GOLGA1: variants seen among roughly 807,000 people sequenced by gnomAD.
GOLGA1 encodes golgin subfamily A member 1.
In GOLGA1, 63 loss-of-function variants were observed where a neutral mutation model predicts 119.7. That is an observed-to-expected ratio of 0.53 (90% CI 0.43 to 0.65). The LOEUF (loss-of-function observed/expected upper bound fraction) is 0.65. Among genes scored for constraint, GOLGA1 ranks in the 30% least tolerant of loss-of-function variants. GOLGA1 has a pLI of 0.00. For missense variants in GOLGA1, 798 were observed against 912.8 expected, an observed-to-expected ratio of 0.87 and a Z score of 1.62; for synonymous variants, 318 against 333.4, an observed-to-expected ratio of 0.95 and a Z score of 0.50.
In GOLGA1 at chr9:124,921,826, T is replaced by A; in HGVS notation, c.628A>T (p.Ser210Cys). 1 of 1,613,048 alleles carries A rather than the reference T, an allele frequency of 6.2e-7. No homozygotes were observed. The highest frequency in any genetic ancestry group is 8.5e-7 in the Non-Finnish European group (1 of 1,178,930). Residue 210 changes from serine to cysteine, a missense_variant, in exon 9 of 23, where the codon AGT becomes TGT. Coordinates refer to ENST00000373555, the MANE Select transcript of GOLGA1 (RefSeq NM_002077.4). ...TTCATCAACTCCTCCTGGGTACGAC[T>A]AAGTTCTCTGGTTCGTGCCTCCAAT... is the stretch of plus-strand genomic sequence containing the variant. ...QELEARTRELSRTQEELMNSN... is the reference protein window; with the variant it reads ...QELEARTRELCRTQEELMNSN...
chr9:124,909,995 G>A (rs1830310593), intron 11 of GOLGA1, among the ~76,000 whole-genome samples: 1 of 152,018 alleles, frequency 6.6e-6, no homozygotes, highest in African/African-American at 2.4e-5. Context: ...GAGTGCAGTG[G>A]CATGATCTCA....
chr9:124,905,279 T>C (rs1830202947), intron 12 of GOLGA1, among the ~76,000 whole-genome samples: 3 of 152,054 alleles, frequency 2.0e-5, no homozygotes, highest in Admixed American at 1.3e-4. Context: ...CTGGCCAACA[T>C]AGTGAAACCC....
chr9:124,934,481 C>T (rs1318641812), intron 3 of GOLGA1, among the ~76,000 whole-genome samples: 2 of 152,106 alleles, frequency 1.3e-5, no homozygotes, highest in Non-Finnish European at 2.9e-5. Flanking sequence ...GGAAATGAGA[C>T]ATTCTAGAGA....
chr9:124,927,429 T>C (rs1404083576), intron 6 of GOLGA1, among the ~76,000 whole-genome samples: 1 of 152,202 alleles, frequency 6.6e-6, no homozygotes, highest in Non-Finnish European at 1.5e-5. Context: ...AATTGTATTT[T>C]TTCTGGCTAG....
At chr9:124,890,609 C>G in intron 15 of GOLGA1, 131 bp from the exon 16 acceptor site, 1 of 727,718 alleles carries the variant, frequency 1.4e-6, no homozygotes, top group Non-Finnish European at 2.4e-6. Context: ...TTCCCAGGCT[C>G]CCAGCCTGGC....
intron 3 of GOLGA1, among the ~76,000 whole-genome samples, chr9:124,932,498 T>A (rs1380300385): frequency 1.3e-5 from 2 of 152,210 alleles, no homozygotes; most frequent in African/African-American, 4.8e-5. Context: ...GGCTCATTAC[T>A]CAACTTCTCT....
intron 14 of GOLGA1, 25 bp downstream of exon 14, chr9:124,899,304 C>T (rs1830047914): frequency 2.6e-6 from 4 of 1,526,972 alleles, no homozygotes; most frequent in Middle Eastern, 1.7e-4. Context: ...CTCCTGGGCC[C>T]ACCCTCTCTT....
At chr9:124,910,844 A>C (rs1295256809) in intron 11 of GOLGA1, among the ~76,000 whole-genome samples, 1 of 152,166 alleles carries the variant, frequency 6.6e-6, no homozygotes, top group Non-Finnish European at 1.5e-5. Context: ...AGGGACGATG[A>C]TGATCTGAGG....
At chr9:124,924,409 C>A (rs1048902560) in intron 7 of GOLGA1, among the ~76,000 whole-genome samples, 2 of 151,926 alleles carry the variant, frequency 1.3e-5, no homozygotes, top group African/African-American at 4.8e-5. Context: ...GTGGGCCTAT[C>A]GGTTGAGCAC....
At chr9:124,927,389 C>G (rs1380980263) in intron 6 of GOLGA1, among the ~76,000 whole-genome samples, 1 of 152,156 alleles carries the variant, frequency 6.6e-6, no homozygotes, top group Non-Finnish European at 1.5e-5. Flanking sequence ...TATATACATT[C>G]ATACCACAGT....
At chr9:124,887,519 T>G (rs1588057106) in intron 19 of GOLGA1, 1 of 152,152 alleles carries the variant, frequency 6.6e-6, no homozygotes, top group Non-Finnish European at 1.5e-5. Context: ...ATAGACCTCA[T>G]TGGCTACGAT....
chr9:124,927,362 T>C (rs2131509798), intron 6 of GOLGA1, among the ~76,000 whole-genome samples: 1 of 152,320 alleles, frequency 6.6e-6, no homozygotes, highest in East Asian at 1.9e-4. Context: ...CCATCAATTT[T>C]AGATTATTTC....
chr9:124,886,649 C>T (rs12341193), intron 19 of GOLGA1, among the ~76,000 whole-genome samples: 24,500 of 151,940 alleles, frequency 0.16, 2,146 homozygotes, highest in Admixed American at 0.23. Context: ...GCCTGCACAA[C>T]GGCGCACCTC....
At chr9:124,880,664 G>A (rs1829555942) in intron 22 of GOLGA1, 54 bp from the exon 23 acceptor site, 4 of 1,144,856 alleles carry the variant, frequency 3.5e-6, no homozygotes, top group Admixed American at 1.7e-5. Flanking sequence ...TTGGTGCCAG[G>A]GAAACTGAAC....
intron 15 of GOLGA1, among the ~76,000 whole-genome samples, chr9:124,895,231 AC>A (rs1193970684): frequency 6.8e-6 from 1 of 146,754 alleles, no homozygotes; most frequent in Non-Finnish European, 1.5e-5. Flanking sequence ...ACAAGAGAGA[AC>A]CCTCCACAAC....
chr9:124,935,175 T>A lies in GOLGA1; in HGVS notation c.135+3402A>T, dbSNP rs115571096. Among the ~76,000 whole-genome samples the A allele has an allele frequency of 8.8e-3, 1,345 of 152,306 alleles. 18 individuals are homozygous for A. Among genetic ancestry groups the A allele is most frequent in the African/African-American group, 0.031 (1,271 of 41,558 alleles). On this transcript the variant is annotated intron_variant, in intron 3 of 22. Transcript: ENST00000373555. ...TATCTCTTGCCCAAACAGTTTAGGATCAGAAGTGTTTTGGAGTTTGGATTT... is the reference window on the plus strand; with the variant it reads ...TATCTCTTGCCCAAACAGTTTAGGAACAGAAGTGTTTTGGAGTTTGGATTT...
At position 124,878,444 on chromosome 9, in the gene GOLGA1, A is replaced by G. The variant is rs538208960; in HGVS notation, c.*2086T>C. On this transcript the variant is annotated 3_prime_UTR_variant, in exon 23 of 23. Coordinates refer to ENST00000373555, the MANE Select transcript of GOLGA1 (RefSeq NM_002077.4). ...ATTTGCTACAGCAGTTTTCAAGAAT[A>G]CAATCCCTATTTACAACATGGAAGG... is the stretch of plus-strand genomic sequence containing the variant. The G allele has an allele frequency of 1.3e-5, 2 of 152,786 alleles. No individual in the cohort carries two copies. The highest frequency in any genetic ancestry group is 2.9e-5 in the Non-Finnish European group (2 of 68,038). The allele number at this position is 152,786 out of a possible 1,614,324, so 9.5% of individuals were successfully genotyped here. A position where few individuals can be genotyped will look rare whatever the true frequency, so the allele number is the denominator to read the frequency against.
At chr9:124,905,637 G>T (rs936576641) in intron 12 of GOLGA1, among the ~76,000 whole-genome samples, 2 of 152,110 alleles carry the variant, frequency 1.3e-5, no homozygotes, top group South Asian at 4.1e-4. Context: ...AATGGAATAA[G>T]AGGTGGGAAG....
At chr9:124,901,948 G>A (rs541100059) in intron 12 of GOLGA1, among the ~76,000 whole-genome samples, 92 of 152,348 alleles carry the variant, frequency 6.0e-4, no homozygotes, top group African/African-American at 2.1e-3. Context: ...CCAGTGCCGT[G>A]AGTGGGACAG....
Sources: allele counts gnomAD v4.1 joint callset (sites outside exome capture counted in the v4.1 genomes callset), GRCh38; gene constraint gnomAD v4.1.1; transcripts MANE v1.5; gene names NCBI Gene and HGNC (gene_info 2026-07-23, HGNC 2026-07-21).